The following MICAL3 variants were observed in gnomAD, a reference collection of about 807,000 sequenced individuals.
The protein encoded by MICAL3 is [F-actin]-monooxygenase MICAL3.
Under a neutral mutation model 207.4 loss-of-function variants are expected in MICAL3, and 62 were observed. The observed-to-expected ratio is 0.30, with a 90% CI of 0.24 to 0.37. The LOEUF (loss-of-function observed/expected upper bound fraction) is 0.37, where lower values mean the gene tolerates loss of function less well. Among genes scored for constraint, MICAL3 ranks in the 10% least tolerant of loss-of-function variants. MICAL3 has a pLI of 1.00. For synonymous variants in MICAL3, 1,077 were observed against 1,069.3 expected (o/e 1.01, Z -0.14); for missense variants, 2,368 against 2,635.6 (o/e 0.90, Z 2.22).
intron 1 of MICAL3, among the ~76,000 whole-genome samples, chr22:17,935,244 G>A (rs964830172): frequency 2.6e-5 from 4 of 152,038 alleles, no homozygotes; most frequent in Non-Finnish European, 5.9e-5. Flanking sequence ...TAGACCAATG[G>A]AACAGAAAAG....
chr22:17,818,514 G>C lies in MICAL3; in HGVS notation c.4147C>G (p.Leu1383Val), dbSNP rs1200403439. ...AGGCCCAGCCTTTTGGGGATGGACA[G>C]AGGCTTGAGAAGGTGGAGTCCCTCA... The part of the protein sequence containing the change: ...QDEGLHLLKP[L>V]SIPKRLGLPK... The change falls in exon 26 of 32, where the codon CTG (leucine) becomes GTG (valine). Residue 1383 changes from leucine to valine, a missense_variant. Coordinates refer to ENST00000441493, the MANE Select transcript of MICAL3 (RefSeq NM_015241.3). 1 of 1,613,318 alleles carries C rather than the reference G, an allele frequency of 6.2e-7. No individual in the cohort carries two copies. Among genetic ancestry groups the C allele is most frequent in the South Asian group, 1.1e-5 (1 of 91,092 alleles).
intron 1 of MICAL3, among the ~76,000 whole-genome samples, chr22:17,978,132 A>G (rs1454915770): frequency 6.6e-6 from 1 of 152,222 alleles, no homozygotes; most frequent in African/African-American, 2.4e-5. Flanking sequence ...AAAAGTGGAA[A>G]TAACTCAAAT....
intron 29 of MICAL3, among the ~76,000 whole-genome samples, chr22:17,801,483 T>A (rs1281426951): frequency 2.6e-5 from 4 of 152,072 alleles, no homozygotes; most frequent in Non-Finnish European, 5.9e-5. Context: ...TTTATTTCAT[T>A]TCCCCCTGGA....
At chr22:17,873,258 A>G (rs1927912355) in intron 16 of MICAL3, among the ~76,000 whole-genome samples, 1 of 152,248 alleles carries the variant, frequency 6.6e-6, no homozygotes, top group South Asian at 2.1e-4. Context: ...CCATGCACGC[A>G]GCAGTGCCCA....
intron 1 of MICAL3, among the ~76,000 whole-genome samples, chr22:17,987,056 A>G (rs1921100709): frequency 6.6e-6 from 1 of 151,992 alleles, no homozygotes; most frequent in Non-Finnish European, 1.5e-5. Context: ...TGGGCAACAC[A>G]GCGAGACCCC....
At chr22:17,872,901 A>G (rs1002246427) in intron 16 of MICAL3, 5 of 1,239,002 alleles carry the variant, frequency 4.0e-6, no homozygotes, top group Non-Finnish European at 5.9e-6. Context: ...GGAAATGAGA[A>G]GGAAAAAAAT....
chr22:17,889,044 G>A lies in MICAL3; in HGVS notation c.1881C>T (p.Leu627=), dbSNP rs377379411. The change falls in exon 13 of 32, where the codon CTC becomes CTT. Residue 627 remains leucine (L), a synonymous_variant. Coordinates refer to ENST00000441493, the MANE Select transcript of MICAL3 (RefSeq NM_015241.3). ...CCTTCCAGGCCTTACCGCTAGAGGG[G>A]AGGGAGTCCTTAAACATCTCGTAGA... ...TQFYEMFKDS[L]PSSDTLDLNA... 1.9e-6 allele frequency: 3 copies of A among 1,604,854 alleles called. No homozygotes were observed. Among genetic ancestry groups the A allele is most frequent in the Non-Finnish European group, 2.6e-6 (3 of 1,172,550 alleles).
At chr22:17,826,022 A>G (rs2193539) in intron 22 of MICAL3, among the ~76,000 whole-genome samples, 57,489 of 151,996 alleles carry the variant, frequency 0.38, 11,251 homozygotes, top group African/African-American at 0.4. Context: ...CCTCTCCACC[A>G]TCATCCTCCC....
chr22:17,937,343 G>A (rs1415052641), intron 1 of MICAL3, among the ~76,000 whole-genome samples: 3 of 152,056 alleles, frequency 2.0e-5, no homozygotes, highest in African/African-American at 4.8e-5. Context: ...CTTTCCCCCC[G>A]ATCTACTTCA....
intron 19 of MICAL3, among the ~76,000 whole-genome samples, chr22:17,843,738 C>T (rs188096961): frequency 6.6e-6 from 1 of 152,356 alleles, no homozygotes; most frequent in East Asian, 1.9e-4. Context: ...TTCCCCACCA[C>T]TGTGTGCATA....
intron 1 of MICAL3, among the ~76,000 whole-genome samples, chr22:17,977,274 T>C (rs1438640216): frequency 6.6e-6 from 1 of 151,882 alleles, no homozygotes; most frequent in Non-Finnish European, 1.5e-5. Flanking sequence ...TAGGGAAAAA[T>C]ATCTGCAAAT....
chr22:17,822,204 C>A (rs1250860400), intron 23 of MICAL3, 34 bp from the exon 24 acceptor site: 23 of 1,592,482 alleles, frequency 1.4e-5, no homozygotes, highest in Non-Finnish European at 1.9e-5. Context: ...TGGGTGCACA[C>A]CCTAAGTGAG....
intron 19 of MICAL3, among the ~76,000 whole-genome samples, chr22:17,855,582 C>T (rs541949407): frequency 5.9e-5 from 9 of 152,248 alleles, no homozygotes; most frequent in African/African-American, 2.2e-4. Flanking sequence ...AGGCTGGATT[C>T]GAGAGGACCA....
chr22:17,955,703 C>T (rs1569146001), intron 1 of MICAL3, among the ~76,000 whole-genome samples: 1 of 152,204 alleles, frequency 6.6e-6, no homozygotes, highest in African/African-American at 2.4e-5. Flanking sequence ...AAGATGAACC[C>T]CACATTTCTT....
intron 1 of MICAL3, among the ~76,000 whole-genome samples, chr22:17,914,503 A>C (rs1214359249): frequency 1.3e-5 from 2 of 152,132 alleles, no homozygotes; most frequent in East Asian, 3.9e-4. Flanking sequence ...GCCATCATGA[A>C]AAACCACCTG....
At chr22:17,843,508 A>T (rs980503164) in intron 19 of MICAL3, among the ~76,000 whole-genome samples, 9 of 151,448 alleles carry the variant, frequency 5.9e-5, no homozygotes, top group African/African-American at 1.9e-4. Context: ...AATTTACAGA[A>T]CTCCTCAGAG....
chr22:17,840,138 C>G (rs1923861526), intron 20 of MICAL3: 1 of 151,968 alleles, frequency 6.6e-6, no homozygotes, highest in East Asian at 1.9e-4. Context: ...GGCTGGAGTG[C>G]AGTGGTGCAG....
intron 1 of MICAL3, among the ~76,000 whole-genome samples, chr22:17,965,097 C>T (rs906195994): frequency 1.2e-4 from 18 of 151,416 alleles, no homozygotes; most frequent in African/African-American, 4.1e-4. Flanking sequence ...TCCATGCATC[C>T]GCTGCTCTCC....
At chr22:17,870,170 T>C (rs1927563885) in intron 17 of MICAL3, among the ~76,000 whole-genome samples, 1 of 152,174 alleles carries the variant, frequency 6.6e-6, no homozygotes, top group Non-Finnish European at 1.5e-5. Context: ...TTAACAATAC[T>C]GCACTCAACC....
Sources: allele counts gnomAD v4.1 joint callset (sites outside exome capture counted in the v4.1 genomes callset), GRCh38; gene constraint gnomAD v4.1.1; transcripts MANE v1.5; gene names NCBI Gene and HGNC (gene_info 2026-07-23, HGNC 2026-07-21).